The following PPP1R37 variants were observed in gnomAD, a reference collection of about 807,000 sequenced individuals.
PPP1R37 encodes protein phosphatase 1 regulatory subunit 37, also known as leucine rich repeat containing 68.
In PPP1R37, 21 loss-of-function variants were observed where a neutral mutation model predicts 61.0. That is an observed-to-expected ratio of 0.34 (90% CI 0.24 to 0.50). The LOEUF is 0.50. Among genes scored for constraint, PPP1R37 ranks in the 20% least tolerant of loss-of-function variants. PPP1R37 has a pLI of 0.98. For synonymous variants in PPP1R37, 443 were observed against 433.5 expected (o/e 1.02, Z -0.27); for missense variants, 910 against 952.7 (o/e 0.96, Z 0.59).
intron 1 of PPP1R37, among the ~76,000 whole-genome samples, chr19:45,112,458 T>G (rs996211564): frequency 6.6e-5 from 10 of 152,252 alleles, no homozygotes; most frequent in African/African-American, 2.4e-4. Flanking sequence ...ACCTTTTACC[T>G]GACTGACTCC....
intron 1 of PPP1R37, chr19:45,100,198 A>G (rs894624334): frequency 6.6e-6 from 1 of 152,082 alleles, no homozygotes; most frequent in African/African-American, 2.4e-5. Flanking sequence ...GCCATCCATC[A>G]CTCAGTCCCA....
chr19:45,145,478 G>T lies in PPP1R37; in HGVS notation c.1422G>T (p.Met474Ile). 6.5e-7 allele frequency: 1 copy of T among 1,534,828 alleles called. No individual in the cohort carries two copies. The highest frequency in any genetic ancestry group is 8.7e-7 in the Non-Finnish European group (1 of 1,146,482). Residue 474 changes from methionine to isoleucine, a missense_variant, in exon 11 of 13, where the codon ATG (methionine) becomes ATT (isoleucine). By Grantham distance (10) the Met-to-Ile change is conservative. Around this residue, in one of 3 missense-constraint regions of PPP1R37, gnomAD observed 549 missense variants for 505.1 expected, o/e 1.09. Transcript: ENST00000221462. ...AGCCGCCACAGCTGTCGGCCTCCAT[G>T]CCTGAGACCACCGCCACCGAGCCCC... ...KEQPPQLSAS[M>I]PETTATEPQP...
chr19:45,105,481 G>C (rs1355188650), intron 1 of PPP1R37, among the ~76,000 whole-genome samples: 1 of 152,080 alleles, frequency 6.6e-6, no homozygotes, highest in Non-Finnish European at 1.5e-5. Context: ...TGGATCCCAG[G>C]ACCTCCTCCC....
At chr19:45,112,728 G>A (rs753217041) in intron 1 of PPP1R37, among the ~76,000 whole-genome samples, 12 of 152,164 alleles carry the variant, frequency 7.9e-5, no homozygotes, top group African/African-American at 1.2e-4. Context: ...CTGCCTTCCC[G>A]ACTGGACCAG....
intron 3 of PPP1R37, 108 bp downstream of exon 3, chr19:45,140,389 C>T (rs1329596533): frequency 7.8e-7 from 1 of 1,286,150 alleles, no homozygotes; most frequent in Non-Finnish European, 1.1e-6. Context: ...TGGAGCTGAG[C>T]TCAGCCAGGG....
rs1190144801 is a variant in PPP1R37 at position 45,093,403 on chromosome 19, G to T, written c.78G>T (p.Gly26=). Residue 26 remains glycine, a synonymous_variant, in exon 1 of 13, where the codon GGG becomes GGT. Transcript: ENST00000221462. ...TTGAAGAGGCCCCAGCTGAGGCCGG[G>T]TCTCCCAGCCCCGCGTCGCCCCCCG... The part of the protein sequence containing the change: ...GDIEEAPAEA[G]SPSPASPPAD... The T allele has an allele frequency of 2.3e-5, 35 of 1,534,016 alleles. No individual in the cohort carries two copies. The highest frequency in any genetic ancestry group is 3.0e-5 in the Non-Finnish European group (34 of 1,146,010).
intron 1 of PPP1R37, among the ~76,000 whole-genome samples, chr19:45,114,311 A>G (rs917165744): frequency 6.6e-5 from 10 of 152,240 alleles, no homozygotes; most frequent in African/African-American, 1.9e-4. Flanking sequence ...GGCAGGAACC[A>G]GGTCTGCCAC....
At chr19:45,138,010 G>C (rs1463456962) in intron 1 of PPP1R37, among the ~76,000 whole-genome samples, 1 of 152,086 alleles carries the variant, frequency 6.6e-6, no homozygotes, top group Non-Finnish European at 1.5e-5. Flanking sequence ...GACAGTGCAA[G>C]CGTTTGGTCT....
At chr19:45,095,539 G>A (rs966073077) in intron 1 of PPP1R37, among the ~76,000 whole-genome samples, 1 of 151,186 alleles carries the variant, frequency 6.6e-6, no homozygotes, top group Non-Finnish European at 1.5e-5. Flanking sequence ...AAGGTGGGCA[G>A]ATCACCTGAG....
chr19:45,105,596 G>C (rs1445346657), intron 1 of PPP1R37, among the ~76,000 whole-genome samples: 1 of 152,134 alleles, frequency 6.6e-6, no homozygotes, highest in African/African-American at 2.4e-5. Flanking sequence ...ACAGGTGTCA[G>C]GGGCGACCGG....
Position 45,126,730 on chromosome 19 carries a change from G to C in PPP1R37, c.203-11784G>C, listed in dbSNP as rs542424035. 2.0e-5 allele frequency among the ~76,000 whole-genome samples: 3 copies of C among 152,302 alleles called. No individual in the cohort carries two copies. The South Asian group carries it at 6.2e-4, about 32-fold the overall frequency. On this transcript the variant is annotated intron_variant, in intron 1 of 12. Transcript: ENST00000221462. The stretch of plus-strand genomic sequence containing the variant: ...TGTTTCCTGGTTTGGGACCCCACCA[G>C]CTATCCAGTCACCCAGGCTTGAAGC...
In PPP1R37 at chr19:45,130,350, C is replaced by T. The variant is rs754365; in HGVS notation, c.203-8164C>T. Among the ~76,000 whole-genome samples the T allele has an allele frequency of 0.02, 3,100 of 152,272 alleles. 106 individuals carry two copies. The highest frequency in any genetic ancestry group is 0.069 in the African/African-American group (2,867 of 41,536). On this transcript the variant is annotated intron_variant, in intron 1 of 12. Coordinates refer to ENST00000221462, the MANE Select transcript of PPP1R37 (RefSeq NM_019121.2). This position sits in a 1 kb window ranked among gnomAD's most constrained non-coding sequence, Gnocchi z 4.4. ...GCCCCTCGCCCCCAGTGGCTCCGGTCTCCTGCAGAATGAGAGCGAAGTCCT... is the reference window on the plus strand; with the variant it reads ...GCCCCTCGCCCCCAGTGGCTCCGGTTTCCTGCAGAATGAGAGCGAAGTCCT...
At chr19:45,097,414 G>A (rs181773836) in intron 1 of PPP1R37, among the ~76,000 whole-genome samples, 3 of 152,084 alleles carry the variant, frequency 2.0e-5, no homozygotes, top group African/African-American at 7.2e-5. Context: ...GCGCCCCTGG[G>A]TGAGGAGGAA....
chr19:45,138,624 C>T lies in PPP1R37; in HGVS notation c.300+13C>T. The T allele has an allele frequency of 7.1e-7, 1 of 1,412,258 alleles. No individual in the cohort carries two copies. The highest frequency in any genetic ancestry group is 9.7e-7 in the Non-Finnish European group (1 of 1,036,212). 87.5% of individuals were successfully genotyped at this position (1,412,258 alleles called of 1,614,324 possible). On this transcript the variant is annotated intron_variant, in intron 2 of 12. Transcript: ENST00000221462. ...CAGGCAGCTGCAGGTATGGGCGGGA[C>T]AGGGTGGGTGCGTCCGGTGTGGGTG...
intron 1 of PPP1R37, among the ~76,000 whole-genome samples, chr19:45,107,117 A>T (rs947605413): frequency 6.6e-6 from 1 of 151,660 alleles, no homozygotes; most frequent in Non-Finnish European, 1.5e-5. Context: ...TGCCCAGCTG[A>T]TGTTGAGCAT....
chr19:45,141,051 C>T (rs916119577), intron 4 of PPP1R37, among the ~76,000 whole-genome samples: 1 of 152,196 alleles, frequency 6.6e-6, no homozygotes, highest in African/African-American at 2.4e-5. Context: ...GAGGCCCAGG[C>T]TCAGGAACAC....
rs1409455108 is a variant in PPP1R37, at chr19:45,093,423, C to T, written c.98C>T (p.Pro33Leu). 10 of 1,534,798 alleles carry T rather than the reference C, an allele frequency of 6.5e-6. 1 individual carries two copies. In the African/African-American group the frequency reaches 1.1e-4, roughly 17 times the overall value. ...AEAGSPSPASPPADGRLKAAA... is the reference protein window; with the variant it reads ...AEAGSPSPASLPADGRLKAAA... ...GCCGGGTCTCCCAGCCCCGCGTCGC[C>T]CCCCGCCGATGGGCGCCTCAAGGCT... Residue 33 changes from proline (P) to leucine (L), a missense_variant, in exon 1 of 13, where the codon CCC becomes CTC. Physicochemically the swap from Pro to Leu is moderately conservative, Grantham distance 98 (BLOSUM62 -3). Transcript: ENST00000221462.
chr19:45,127,709 G>GCTCA (rs1180845751), intron 1 of PPP1R37, among the ~76,000 whole-genome samples: 6 of 152,300 alleles, frequency 3.9e-5, no homozygotes, highest in African/African-American at 1.4e-4. Context: ...GGGCGCGGTG[G>GCTCA]CTCACGCTTG....
At chr19:45,146,542 A>G in intron 12 of PPP1R37, 29 bp from the exon 13 acceptor site, 1 of 1,218,268 alleles carries the variant, frequency 8.2e-7, no homozygotes, top group Non-Finnish European at 1.2e-6. Context: ...TGGCTCTGAC[A>G]GTCTCTCCCC....
Sources: allele counts gnomAD v4.1 joint callset (sites outside exome capture counted in the v4.1 genomes callset), GRCh38; gene constraint gnomAD v4.1.1; regional missense constraint gnomAD v4.1.1; non-coding constraint Gnocchi (gnomAD v3.1); transcripts MANE v1.5; gene names NCBI Gene and HGNC (gene_info 2026-07-23, HGNC 2026-07-21).